Variants in ELMOD2 observed in about 807,000 individuals in gnomAD.
The protein encoded by ELMOD2 is ELMO domain containing 2.
Under a neutral mutation model 41.0 loss-of-function variants are expected in ELMOD2, and 28 were observed. That is an observed-to-expected ratio of 0.68 (90% CI 0.51 to 0.94). The LOEUF (loss-of-function observed/expected upper bound fraction) is 0.94. Ranked by LOEUF, ELMOD2 falls within the 40% of genes least tolerant of loss-of-function variation. ELMOD2 has a pLI of 0.00. For missense variants in ELMOD2, 333 were observed against 343.1 expected, an observed-to-expected ratio of 0.97 and a Z score of 0.23; for synonymous variants, 106 against 107.2, an observed-to-expected ratio of 0.99 and a Z score of 0.07.
intron 2 of ELMOD2, among the ~76,000 whole-genome samples, chr4:140,525,849 A>T (rs1464776077): frequency 6.6e-6 from 1 of 152,166 alleles, no homozygotes; most frequent in Non-Finnish European, 1.5e-5. Flanking sequence ...CTGGTGAAAA[A>T]TTTCTATACT....
At chr4:140,524,735 A>G (rs548278560) in intron 1 of ELMOD2, 708 of 640,816 alleles carry the variant, frequency 1.1e-3, no homozygotes, top group Non-Finnish European at 1.3e-3. Context: ...CCCTCTCACT[A>G]GTATCTCCCT....
chr4:140,538,151 C>T (rs1211077028), intron 5 of ELMOD2, among the ~76,000 whole-genome samples: 1 of 152,096 alleles, frequency 6.6e-6, no homozygotes, highest in African/African-American at 2.4e-5. Context: ...CTAGAGTAAG[C>T]TTTACAGATC....
chr4:140,537,466 G>C lies in ELMOD2; in HGVS notation c.324G>C (p.Leu108=), dbSNP rs754716139. The part of the protein sequence containing the change: ...CLLQITGYKQ[L]YLDVESVRKR... ...TGCAGATAACTGGTTATAAACAGCTGTATTTGGATGTAGAAAGTGTGAGGA... is the reference window on the plus strand; with the variant it reads ...TGCAGATAACTGGTTATAAACAGCTCTATTTGGATGTAGAAAGTGTGAGGA... The change falls in exon 5 of 9, where the codon CTG becomes CTC. Residue 108 remains leucine (L), a synonymous_variant. Coordinates refer to ENST00000323570, the MANE Select transcript of ELMOD2 (RefSeq NM_153702.4). 7.0e-6 allele frequency: 11 copies of C among 1,581,658 alleles called. No individual in the cohort carries two copies. In the African/African-American group the frequency reaches 1.5e-4, roughly 22 times the overall value.
At chr4:140,535,140 TC>T (rs1734875964) in intron 3 of ELMOD2, among the ~76,000 whole-genome samples, 5 of 6,418 alleles carry the variant, frequency 7.8e-4, no homozygotes, top group African/African-American at 1.7e-3. Context: ...TGTTTCTTTC[TC>T]TCTCTCTCTC....
chr4:140,549,690 T>C (rs1735407638), intron 8 of ELMOD2, among the ~76,000 whole-genome samples: 1 of 129,998 alleles, frequency 7.7e-6, no homozygotes, highest in African/African-American at 2.9e-5. Flanking sequence ...TCTTTTTTTT[T>C]TTTTTTTTTT....
rs527299055 is a variant in ELMOD2 at position 140,553,386 on chromosome 4, G to A, written c.*3011G>A. The A allele has an allele frequency of 2.6e-5, 4 of 152,184 alleles. No individual in the cohort carries two copies. The South Asian group carries it at 8.3e-4, about 32-fold the overall frequency. The allele number at this position is 152,184 out of a possible 1,614,324, so 9.4% of individuals were successfully genotyped here. A position where few individuals can be genotyped will look rare whatever the true frequency, so the allele number is the denominator to read the frequency against. ...ACTTCTCTATGAACAGGTGTGGGGA[G>A]GCTTACTTTCCATTTTCATATTTAT... On this transcript the variant is annotated 3_prime_UTR_variant, in exon 9 of 9. Transcript: ENST00000323570.
intron 8 of ELMOD2, among the ~76,000 whole-genome samples, chr4:140,544,341 C>T (rs979956382): frequency 6.6e-6 from 1 of 152,054 alleles, no homozygotes; most frequent in Admixed American, 6.6e-5. Context: ...ACTTTCCTGC[C>T]TTTTCTTACA....
In ELMOD2 at chr4:140,534,852, T is replaced by G. The variant is rs142597146; in HGVS notation, c.172-881T>G. Reference sequence around the variant, plus strand: ...GAAAGGAAGTAGGTAACTCTAGGGCTGGGGAAGACTTCACAGAGGAAGTGA... The same window carrying G: ...GAAAGGAAGTAGGTAACTCTAGGGCGGGGGAAGACTTCACAGAGGAAGTGA... On this transcript the variant is annotated intron_variant, in intron 3 of 8. Transcript: ENST00000323570. 1.9e-3 allele frequency among the ~76,000 whole-genome samples: 295 copies of G among 152,296 alleles called. 1 individual carries two copies. Among genetic ancestry groups the G allele is most frequent in the Middle Eastern group, 6.8e-3 (2 of 294 alleles).
intron 8 of ELMOD2, among the ~76,000 whole-genome samples, chr4:140,544,062 TCTTTA>T (rs756218063): frequency 1.1e-4 from 17 of 152,258 alleles, no homozygotes; most frequent in Non-Finnish European, 2.2e-4. Context: ...CCTAAAGCTG[TCTTTA>T]CTTTCTCTGT....
At chr4:140,525,930 T>A (rs1046612170) in intron 2 of ELMOD2, among the ~76,000 whole-genome samples, 1 of 152,242 alleles carries the variant, frequency 6.6e-6, no homozygotes, top group African/African-American at 2.4e-5. Flanking sequence ...TCCATTTTTA[T>A]ACTTAGGATC....
chr4:140,540,226 C>T lies in ELMOD2; in HGVS notation c.458C>T (p.Ala153Val), dbSNP rs1431710168. 6.2e-7 allele frequency: 1 copy of T among 1,614,112 alleles called. No individual in the cohort carries two copies. The highest frequency in any genetic ancestry group is 8.5e-7 in the Non-Finnish European group (1 of 1,180,018). ...AACGCTAGAATCTCCAAGCAGTGGG[C>T]TGAAATTGGTTTTCAGGGTGATGAT... ...KLNARISKQW[A>V]EIGFQGDDPK... Residue 153 changes from alanine to valine, a missense_variant, in exon 6 of 9, where the codon GCT (alanine) becomes GTT (valine). Physicochemically the swap from Ala to Val is moderately conservative, Grantham distance 64 (BLOSUM62 0). Transcript: ENST00000323570.
intron 8 of ELMOD2, 101 bp downstream of exon 8, chr4:140,543,687 A>T: frequency 1.0e-6 from 1 of 964,196 alleles, no homozygotes; most frequent in Non-Finnish European, 1.4e-6. Flanking sequence ...TGTGAAGTAT[A>T]TAACTTATGT....
intron 8 of ELMOD2, among the ~76,000 whole-genome samples, chr4:140,545,986 G>A (rs1449977509): frequency 1.3e-5 from 2 of 152,052 alleles, no homozygotes; most frequent in African/African-American, 2.4e-5. Context: ...CCATTACTGG[G>A]TATATACCCA....
chr4:140,536,808 A>G (rs1213692364), intron 4 of ELMOD2, among the ~76,000 whole-genome samples: 1 of 152,202 alleles, frequency 6.6e-6, no homozygotes, highest in Admixed American at 6.5e-5. Flanking sequence ...CAGGTAAGAA[A>G]TGACAAAGGC....
chr4:140,531,943 A>T (rs1478463682), intron 3 of ELMOD2, among the ~76,000 whole-genome samples: 1 of 152,204 alleles, frequency 6.6e-6, no homozygotes, highest in Non-Finnish European at 1.5e-5. Flanking sequence ...TTTAAGGGAG[A>T]AGAAATAATA....
intron 7 of ELMOD2, 50 bp downstream of exon 7, chr4:140,542,692 T>A: frequency 7.5e-7 from 1 of 1,329,326 alleles, no homozygotes; most frequent in South Asian, 1.4e-5. Flanking sequence ...TTATAATGAT[T>A]AGATGATTTA....
intron 2 of ELMOD2, among the ~76,000 whole-genome samples, chr4:140,526,429 T>C (rs1421516000): frequency 6.6e-6 from 1 of 152,214 alleles, no homozygotes; most frequent in Non-Finnish European, 1.5e-5. Context: ...AACTGTGTTT[T>C]GAAGTCGCTT....
At chr4:140,529,884 A>G (rs1389670107) in intron 3 of ELMOD2, among the ~76,000 whole-genome samples, 1 of 152,170 alleles carries the variant, frequency 6.6e-6, no homozygotes, top group African/African-American at 2.4e-5. Context: ...CTAGCGTACT[A>G]AATATTTTAC....
chr4:140,531,739 A>G (rs1299743601), intron 3 of ELMOD2, among the ~76,000 whole-genome samples: 1 of 152,248 alleles, frequency 6.6e-6, no homozygotes, highest in Non-Finnish European at 1.5e-5. Context: ...AGGGGATTCT[A>G]TGAACAACTT....
Sources: allele counts gnomAD v4.1 joint callset (sites outside exome capture counted in the v4.1 genomes callset), GRCh38; gene constraint gnomAD v4.1.1; transcripts MANE v1.5; gene names NCBI Gene and HGNC (gene_info 2026-07-23, HGNC 2026-07-21).